FAM135B: variants seen among roughly 807,000 people sequenced by gnomAD.
FAM135B encodes the protein family with sequence similarity 135 member B, also known as protein FAM135B.
A neutral mutation model predicts 127.7 loss-of-function variants in FAM135B; 43 were observed. The observed-to-expected ratio is 0.34, with a 90% CI of 0.26 to 0.43. The LOEUF is 0.43. Ranked by LOEUF, FAM135B falls within the 20% of genes least tolerant of loss-of-function variation. FAM135B has a pLI of 1.00. For missense variants in FAM135B, 1,558 were observed against 1,725.6 expected (o/e 0.90, Z 1.72); for synonymous variants, 670 against 665.1 (o/e 1.01, Z -0.11).
Position 138,445,386 on chromosome 8 carries a change from T to C in FAM135B, c.-20+51285A>G, listed in dbSNP as rs889091700. Among the ~76,000 whole-genome samples, 11 of 152,300 alleles carry C rather than the reference T, an allele frequency of 7.2e-5. No homozygotes were observed. The East Asian group carries it at 1.7e-3, about 24-fold the overall frequency. ...TTTAGACCAATATCCTTGATGAACA[T>C]TGATGCAAAAATCCTCAATAAAATA... On this transcript the variant is annotated intron_variant, in intron 1 of 19. Coordinates refer to ENST00000395297, the MANE Select transcript of FAM135B (RefSeq NM_015912.4).
chr8:138,490,188 A>G (rs1394447700), intron 1 of FAM135B, among the ~76,000 whole-genome samples: 3 of 152,216 alleles, frequency 2.0e-5, no homozygotes, highest in Non-Finnish European at 2.9e-5. Flanking sequence ...CTTAAAGAAC[A>G]CAGCTAATTC....
At chr8:138,307,222 AG>A (rs1389187353) in intron 3 of FAM135B, among the ~76,000 whole-genome samples, 1 of 152,196 alleles carries the variant, frequency 6.6e-6, no homozygotes, top group Non-Finnish European at 1.5e-5. Flanking sequence ...ATGAGATCTG[AG>A]TTTTAAAAAG....
chr8:138,336,274 A>G (rs1340518868), intron 2 of FAM135B, among the ~76,000 whole-genome samples: 1 of 152,176 alleles, frequency 6.6e-6, no homozygotes, highest in Non-Finnish European at 1.5e-5. Flanking sequence ...AACTGAAGGA[A>G]ATAGAGACAT....
chr8:138,388,033 G>C (rs1372257297), intron 1 of FAM135B, among the ~76,000 whole-genome samples: 1 of 152,092 alleles, frequency 6.6e-6, no homozygotes, highest in African/African-American at 2.4e-5. Flanking sequence ...AGTCATGAGG[G>C]GAATGCAAAT....
chr8:138,279,458 T>C (rs530613192), intron 3 of FAM135B, among the ~76,000 whole-genome samples: 4 of 152,360 alleles, frequency 2.6e-5, no homozygotes, highest in African/African-American at 9.6e-5. Flanking sequence ...ACCTCTTAAA[T>C]GCTACCTCTT....
At chr8:138,407,364 A>G (rs1191726678) in intron 1 of FAM135B, among the ~76,000 whole-genome samples, 1 of 152,200 alleles carries the variant, frequency 6.6e-6, no homozygotes, top group Non-Finnish European at 1.5e-5. Flanking sequence ...TGCCATCCCC[A>G]TCAAGCTACC....
At chr8:138,147,280 GA>G (rs67669346) in intron 14 of FAM135B, among the ~76,000 whole-genome samples, 51,584 of 143,836 alleles carry the variant, frequency 0.36, 9,326 homozygotes, top group East Asian at 0.53. Flanking sequence ...CCTGCCTTAG[GA>G]AAAAAAAAAA....
At chr8:138,208,372 A>G (rs1586778270) in intron 7 of FAM135B, among the ~76,000 whole-genome samples, 1 of 152,372 alleles carries the variant, frequency 6.6e-6, no homozygotes, top group South Asian at 2.1e-4. Flanking sequence ...GAAGGCAGGT[A>G]TGAATTATGT....
intron 1 of FAM135B, among the ~76,000 whole-genome samples, chr8:138,461,093 C>CT (rs998821705): frequency 4.6e-5 from 7 of 152,076 alleles, no homozygotes; most frequent in African/African-American, 1.4e-4. Flanking sequence ...TTATAAGTTT[C>CT]TTTTTTTTAA....
At chr8:138,160,351 A>ACC (rs1819242019) in intron 12 of FAM135B, among the ~76,000 whole-genome samples, 1 of 151,598 alleles carries the variant, frequency 6.6e-6, no homozygotes, top group African/African-American at 2.4e-5. Flanking sequence ...TGGCCTGGGA[A>ACC]CCCCTGAGCT....
At chr8:138,330,974 C>G (rs976068129) in intron 2 of FAM135B, among the ~76,000 whole-genome samples, 4 of 152,034 alleles carry the variant, frequency 2.6e-5, no homozygotes, top group African/African-American at 7.2e-5. Context: ...TCCCGAGTAG[C>G]TGGGATTACA....
chr8:138,424,583 C>A (rs529929662), intron 1 of FAM135B, among the ~76,000 whole-genome samples: 1 of 152,306 alleles, frequency 6.6e-6, no homozygotes, highest in South Asian at 2.1e-4. Flanking sequence ...ATATTTACAA[C>A]TTCCCAGTGC....
intron 18 of FAM135B, among the ~76,000 whole-genome samples, chr8:138,138,075 CA>C (rs887713108): frequency 2.0e-5 from 3 of 152,154 alleles, no homozygotes; most frequent in Admixed American, 6.5e-5. Context: ...GTGTAATGGT[CA>C]GCCCCTCCCC....
At chr8:138,299,108 T>TAAATAAATAAAA (rs1336079906) in intron 3 of FAM135B, among the ~76,000 whole-genome samples, 19 of 139,814 alleles carry the variant, frequency 1.4e-4, no homozygotes, top group African/African-American at 2.4e-4. Flanking sequence ...AATAAATAAA[T>TAAATAAATAAAA]AAAATAAAAA....
intron 7 of FAM135B, among the ~76,000 whole-genome samples, chr8:138,203,785 G>A (rs574712754): frequency 1.3e-5 from 2 of 152,180 alleles, no homozygotes; most frequent in South Asian, 4.1e-4. Context: ...TTATTACATT[G>A]TAATATACGA....
At position 138,383,245 on chromosome 8, in the gene FAM135B, T is replaced by C. The variant is rs16909047; in HGVS notation, c.-19-15243A>G. Among the ~76,000 whole-genome samples the C allele has an allele frequency of 9.1e-3, 1,380 of 152,286 alleles. 24 individuals are homozygous for C. Among genetic ancestry groups the C allele is most frequent in the African/African-American group, 0.032 (1,311 of 41,558 alleles). ...CCTCACTTTTTCTTGGACCTTCAAC[T>C]GAGAGTCTTTAAAGCCAGACATGCT... On this transcript the variant is annotated intron_variant, in intron 1 of 19. Coordinates refer to ENST00000395297, the MANE Select transcript of FAM135B (RefSeq NM_015912.4).
At chr8:138,420,770 A>C (rs1479392122) in intron 1 of FAM135B, among the ~76,000 whole-genome samples, 1 of 152,200 alleles carries the variant, frequency 6.6e-6, no homozygotes, top group Non-Finnish European at 1.5e-5. Context: ...GGCACAGAAA[A>C]GGCTTTCAAC....
chr8:138,367,903 T>C lies in FAM135B; in HGVS notation c.77+4A>G. The C allele has an allele frequency of 6.3e-7, 1 of 1,596,864 alleles. No homozygotes were observed. Among genetic ancestry groups the C allele is most frequent in the Non-Finnish European group, 8.6e-7 (1 of 1,165,798 alleles). ...CACACACACAAATTGTAAAGCATAC[T>C]TACCCTCTCTGAAAGAGATCCACAT... On this transcript the variant is annotated splice_donor_region_variant and intron_variant, in intron 2 of 19. Transcript: ENST00000395297.
intron 11 of FAM135B, among the ~76,000 whole-genome samples, chr8:138,168,505 C>A (rs1488472303): frequency 6.6e-6 from 1 of 151,956 alleles, no homozygotes; most frequent in Non-Finnish European, 1.5e-5. Context: ...TCTAAAATAC[C>A]TTTTCTATTG....
Sources: allele counts gnomAD v4.1 joint callset (sites outside exome capture counted in the v4.1 genomes callset), GRCh38; gene constraint gnomAD v4.1.1; transcripts MANE v1.5; gene names NCBI Gene and HGNC (gene_info 2026-07-23, HGNC 2026-07-21).